Variants in FSTL4 observed in about 807,000 individuals in gnomAD.
FSTL4 encodes follistatin-related protein 4.
Under a neutral mutation model 78.2 loss-of-function variants are expected in FSTL4, and 28 were observed. That is an observed-to-expected ratio of 0.36 (90% CI 0.27 to 0.49). FSTL4 has a LOEUF of 0.49. Ranked by LOEUF, FSTL4 falls within the 20% of genes least tolerant of loss-of-function variation. The pLI, the probability that FSTL4 is intolerant of heterozygous loss-of-function variation, is 0.98. For missense variants in FSTL4, 922 were observed against 1,084.9 expected, an observed-to-expected ratio of 0.85 and a Z score of 2.11; for synonymous variants, 422 against 440.5, an observed-to-expected ratio of 0.96 and a Z score of 0.53.
At chr5:133,777,978 T>C in the FSTL4 span, among the ~76,000 whole-genome samples, 29 of 152,358 alleles carry the variant, frequency 1.9e-4, no homozygotes, top group African/African-American at 6.7e-4. Flanking sequence ...CTTATAGAGA[T>C]CCCATTCCCC....
the FSTL4 span, among the ~76,000 whole-genome samples, chr5:133,799,228 G>A: frequency 7.3e-6 from 1 of 137,436 alleles, no homozygotes; most frequent in Admixed American, 7.5e-5. Flanking sequence ...CCAGCACCCC[G>A]TGGGCACCAG....
At chr5:133,765,670 G>A in the FSTL4 span, among the ~76,000 whole-genome samples, 2 of 152,320 alleles carry the variant, frequency 1.3e-5, no homozygotes, top group African/African-American at 4.8e-5. Context: ...GTGAACAGAG[G>A]CCGAGCACAG....
intron 14 of FSTL4, chr5:133,202,382 A>G (rs542352121): frequency 6.1e-6 from 1 of 164,728 alleles, no homozygotes; most frequent in African/African-American, 2.4e-5. Context: ...AAGGGAAGTA[A>G]GTCTCCAGAA....
intron 12 of FSTL4, 152 bp from the exon 13 acceptor site, chr5:133,217,530 A>G: frequency 1.5e-6 from 1 of 650,856 alleles, no homozygotes. Flanking sequence ...GCCCTCCAAC[A>G]TCACTGACTT....
chr5:133,244,161 AC>A (rs1751964988), intron 7 of FSTL4: 1 of 152,396 alleles, frequency 6.6e-6, no homozygotes, highest in Non-Finnish European at 1.5e-5. Context: ...CAAAGCCTGG[AC>A]CTGAGTCCCC....
At chr5:133,318,501 T>A (rs896278475) in intron 4 of FSTL4, among the ~76,000 whole-genome samples, 3 of 152,084 alleles carry the variant, frequency 2.0e-5, no homozygotes, top group African/African-American at 4.8e-5. Context: ...GGGTACAGAA[T>A]GAAAGTGGAG....
chr5:133,798,068 C>A, the FSTL4 span, among the ~76,000 whole-genome samples: 1 of 152,206 alleles, frequency 6.6e-6, no homozygotes, highest in African/African-American at 2.4e-5. Context: ...TATAGCTGAG[C>A]CAAAGCAAGT....
rs1372256538 is a variant in FSTL4, at chr5:133,199,839, T to C, written c.1827-42A>G. On this transcript the variant is annotated intron_variant, in intron 15 of 15. Coordinates refer to ENST00000265342, the MANE Select transcript of FSTL4 (RefSeq NM_015082.2). The surrounding 1 kb of genome is among the most constrained non-coding windows in gnomAD (Gnocchi z 4.4). ...TGAGGTCAGAAGTTGCCTCCAGGGG[T>C]GGGGAATCTGTCATTTGTCTTAAAC... The C allele has an allele frequency of 2.9e-6, 3 of 1,035,910 alleles. No homozygotes were observed. The African/African-American group carries it at 4.8e-5, about 17-fold the overall frequency. The allele number at this position is 1,035,910 out of a possible 1,614,324, so 64.2% of individuals were successfully genotyped here. A position where few individuals can be genotyped will look rare whatever the true frequency, so the allele number is the denominator to read the frequency against.
intron 3 of FSTL4, among the ~76,000 whole-genome samples, chr5:133,517,441 A>T (rs1264463556): frequency 0.016 from 467 of 29,986 alleles, 37 homozygotes; most frequent in African/African-American, 0.043. Flanking sequence ...AAAAAAAAAA[A>T]AAAAAAATAT....
At chr5:133,295,346 C>T (rs780338909) in intron 6 of FSTL4, among the ~76,000 whole-genome samples, 1 of 152,144 alleles carries the variant, frequency 6.6e-6, no homozygotes, top group Admixed American at 6.5e-5. Flanking sequence ...CACCTCCCCT[C>T]GCCTACTCAA....
At chr5:133,282,922 C>A (rs1447073741) in intron 6 of FSTL4, among the ~76,000 whole-genome samples, 1 of 152,212 alleles carries the variant, frequency 6.6e-6, no homozygotes, top group African/African-American at 2.4e-5. Context: ...TTGCAATGCT[C>A]ATCTGACACT....
At chr5:133,437,547 T>C (rs1757062471) in intron 3 of FSTL4, among the ~76,000 whole-genome samples, 1 of 135,108 alleles carries the variant, frequency 7.4e-6, no homozygotes, top group Non-Finnish European at 1.5e-5. Context: ...TGGAGTGCAA[T>C]GGTGCAATCT....
At chr5:133,518,776 G>A in intron 3 of FSTL4, among the ~76,000 whole-genome samples, 1 of 152,276 alleles carries the variant, frequency 6.6e-6, no homozygotes, top group East Asian at 1.9e-4. Context: ...TTAATGTCTG[G>A]ATGATAATTT....
intron 15 of FSTL4, among the ~76,000 whole-genome samples, chr5:133,200,964 A>C (rs1750300920): frequency 6.6e-6 from 1 of 152,208 alleles, no homozygotes; most frequent in African/African-American, 2.4e-5. Context: ...CCCTCAGCTG[A>C]ATACAGCTGC....
At chr5:133,838,718 A>T in the FSTL4 span, among the ~76,000 whole-genome samples, 1 of 151,624 alleles carries the variant, frequency 6.6e-6, no homozygotes, top group Non-Finnish European at 1.5e-5. Context: ...CATGTATCCC[A>T]GGGGAGAAAA....
At chr5:133,688,075 C>T in the FSTL4 span, among the ~76,000 whole-genome samples, 1 of 152,194 alleles carries the variant, frequency 6.6e-6, no homozygotes, top group Non-Finnish European at 1.5e-5. Context: ...CTGGCTAAAC[C>T]TAGCTATCAG....
chr5:133,641,823 C>G, the FSTL4 span, among the ~76,000 whole-genome samples: 1 of 152,060 alleles, frequency 6.6e-6, no homozygotes, highest in East Asian at 1.9e-4. Context: ...TCCTCCTCCT[C>G]CTTCTTCTTT....
intron 6 of FSTL4, chr5:133,266,570 T>C (rs956606922): frequency 1.3e-5 from 2 of 152,282 alleles, no homozygotes; most frequent in African/African-American, 4.8e-5. Flanking sequence ...TCGCTGCATA[T>C]CAGCAGAACC....
the FSTL4 span, among the ~76,000 whole-genome samples, chr5:133,840,634 G>C: frequency 6.6e-6 from 1 of 152,188 alleles, no homozygotes; most frequent in African/African-American, 2.4e-5. Context: ...AACTTTAGCA[G>C]CAGCAAAGTC....
Sources: gnomAD v4.1 joint callset for allele counts (sites outside exome capture counted in the v4.1 genomes callset) on GRCh38, gnomAD v4.1.1 for gene constraint, Gnocchi (gnomAD v3.1) non-coding constraint, MANE v1.5 for transcripts, NCBI Gene and HGNC (gene_info 2026-07-23, HGNC 2026-07-21) for gene names.